UBE2E1: variants seen among roughly 807,000 people sequenced by gnomAD.
UBE2E1 encodes ubiquitin-conjugating enzyme E2 E1.
A neutral mutation model predicts 21.4 loss-of-function variants in UBE2E1; 6 were observed. The ratio of observed to expected loss-of-function variants is 0.28; its 90% CI spans 0.15 to 0.55. The LOEUF (loss-of-function observed/expected upper bound fraction) is 0.55. Among genes scored for constraint, UBE2E1 ranks in the 20% least tolerant of loss-of-function variants. The pLI is 0.93. For synonymous variants in UBE2E1, 87 were observed against 82.7 expected (o/e 1.05, Z -0.28); for missense variants, 142 against 236.5 (o/e 0.60, Z 2.62).
intron 3 of UBE2E1, among the ~76,000 whole-genome samples, chr3:23,861,257 A>C (rs1700548617): frequency 6.6e-6 from 1 of 152,228 alleles, no homozygotes; most frequent in Non-Finnish European, 1.5e-5. Context: ...CCAGGTTGTT[A>C]GACCTCCTAT....
chr3:23,850,310 T>A (rs954738868), intron 3 of UBE2E1, among the ~76,000 whole-genome samples: 1 of 151,944 alleles, frequency 6.6e-6, no homozygotes, highest in Non-Finnish European at 1.5e-5. Context: ...CATTAAAAAT[T>A]ATTTTTATTC....
chr3:23,845,462 A>T (rs1700176059), intron 3 of UBE2E1, among the ~76,000 whole-genome samples: 1 of 152,096 alleles, frequency 6.6e-6, no homozygotes, highest in East Asian at 1.9e-4. Context: ...AGTAGAGTGT[A>T]GATCAGTGTT....
Position 23,889,739 on chromosome 3 carries a change from CTTCAT to C in UBE2E1, c.484+488_484+492del, listed in dbSNP as rs1401929129. Reference sequence around the variant, plus strand: ...CTATTGAATTGTGACTTTTTTGGGACTTCATTTCATTTAAAAAATATTTTTCTGTA... The same window carrying C: ...CTATTGAATTGTGACTTTTTTGGGACTTCATTTAAAAAATATTTTTCTGTA... On this transcript the variant is annotated intron_variant, in intron 5 of 5. Transcript: ENST00000306627. 7.1e-6 allele frequency: 7 copies of C among 985,054 alleles called. No homozygotes were observed. The East Asian group carries it at 3.4e-4, about 48-fold the overall frequency. The allele number at this position is 985,054 out of a possible 1,614,324, so 61.0% of individuals were successfully genotyped here.
chr3:23,848,464 TGTCTCAA>T (rs1034087260), intron 3 of UBE2E1, among the ~76,000 whole-genome samples: 3 of 128,176 alleles, frequency 2.3e-5, no homozygotes, highest in African/African-American at 9.2e-5. Context: ...AGTGAGACTC[TGTCTCAA>T]AAAAAAAAAA....
intron 3 of UBE2E1, among the ~76,000 whole-genome samples, chr3:23,829,531 G>C (rs1431890101): frequency 1.3e-5 from 2 of 151,950 alleles, no homozygotes; most frequent in Non-Finnish European, 2.9e-5. Flanking sequence ...CAAACTCCTG[G>C]TCTCAAGCAG....
intron 3 of UBE2E1, among the ~76,000 whole-genome samples, chr3:23,871,576 CG>C (rs1700790779): frequency 6.6e-6 from 1 of 150,408 alleles, no homozygotes; most frequent in Admixed American, 6.6e-5. Flanking sequence ...ACTTCCCAGA[CG>C]GGGTGGCTGC....
rs1553637747 is a variant in UBE2E1 at position 23,842,250 on chromosome 3, G to GTGGTGT, written c.203+30742_203+30743insGTGTTG. Among the ~76,000 whole-genome samples the GTGGTGT allele has an allele frequency of 0.059, 5,089 of 85,668 alleles. 211 individuals are homozygous for GTGGTGT. The highest frequency in any genetic ancestry group is 0.085 in the Middle Eastern group (12 of 142). The allele number at this position is 85,668 out of a possible 152,430, so 56.2% of individuals were successfully genotyped here. The stretch of plus-strand genomic sequence containing the variant: ...GTGTGTGTGTGTGTGTGTGTGTGTG[G>GTGGTGT]TGTTGTTGTTGTTGGCGACAGGGTC... On this transcript the variant is annotated intron_variant, in intron 3 of 5. Coordinates refer to ENST00000306627, the MANE Select transcript of UBE2E1 (RefSeq NM_003341.5). This position sits in a 1 kb window ranked among gnomAD's most constrained non-coding sequence, Gnocchi z 4.6.
intron 3 of UBE2E1, among the ~76,000 whole-genome samples, chr3:23,815,546 TTG>T (rs1699497211): frequency 6.6e-6 from 1 of 152,216 alleles, no homozygotes; most frequent in African/African-American, 2.4e-5. Flanking sequence ...TGAATTTACA[TTG>T]TGTTTTTCTG....
rs1181581779 is a variant in UBE2E1, at chr3:23,823,534, A to C, written c.203+12024A>C. ...AACCTTTCCTCCTCTATGGGGGTAC[A>C]TCTCAATTTTTAAGTTAATATATTA... On this transcript the variant is annotated intron_variant, in intron 3 of 5. Transcript: ENST00000306627. This position sits in a 1 kb window ranked among gnomAD's most constrained non-coding sequence, Gnocchi z 4.2. 3.9e-5 allele frequency among the ~76,000 whole-genome samples: 6 copies of C among 152,244 alleles called. No homozygotes were observed. Among genetic ancestry groups the C allele is most frequent in the Non-Finnish European group, 8.8e-5 (6 of 68,048 alleles).
In UBE2E1 at chr3:23,870,290, A is replaced by T. The variant is rs12107132; in HGVS notation, c.204-17277A>T. Among the ~76,000 whole-genome samples, 685 of 152,260 alleles carry T rather than the reference A, an allele frequency of 4.5e-3. 8 individuals are homozygous for T. Among genetic ancestry groups the T allele is most frequent in the African/African-American group, 0.016 (661 of 41,540 alleles). ...GGGGGGACCATAGCTCCTTTTTTTA[A>T]AAAAAGGAGCCAGTTGTGAAGTCAC... On this transcript the variant is annotated intron_variant, in intron 3 of 5. Coordinates refer to ENST00000306627, the MANE Select transcript of UBE2E1 (RefSeq NM_003341.5). The surrounding 1 kb of genome is among the most constrained non-coding windows in gnomAD (Gnocchi z 4.2).
chr3:23,832,525 A>G (rs964844422), intron 3 of UBE2E1, among the ~76,000 whole-genome samples: 8 of 152,114 alleles, frequency 5.3e-5, no homozygotes, highest in African/African-American at 1.9e-4. Context: ...GGCACCTGTA[A>G]TCCCAGCTAC....
intron 3 of UBE2E1, among the ~76,000 whole-genome samples, chr3:23,819,757 C>G (rs549990816): frequency 3.2e-4 from 49 of 152,306 alleles, no homozygotes; most frequent in African/African-American, 1.1e-3. Flanking sequence ...GGCAGTCTTT[C>G]TGAGTTGGCA....
intron 3 of UBE2E1, among the ~76,000 whole-genome samples, chr3:23,859,120 C>T (rs897645894): frequency 2.0e-5 from 3 of 152,098 alleles, no homozygotes; most frequent in African/African-American, 7.2e-5. Context: ...TACCAGTTAC[C>T]TCACTAAACA....
intron 3 of UBE2E1, among the ~76,000 whole-genome samples, chr3:23,865,630 C>T (rs1700641435): frequency 6.6e-6 from 1 of 152,200 alleles, no homozygotes; most frequent in Non-Finnish European, 1.5e-5. Context: ...CTGGCTCACA[C>T]CTGTGAGCAC....
chr3:23,872,154 C>T (rs970021709), intron 3 of UBE2E1, among the ~76,000 whole-genome samples: 1 of 152,188 alleles, frequency 6.6e-6, no homozygotes, highest in African/African-American at 2.4e-5. Flanking sequence ...ACAAATCACT[C>T]GCTGTTAGGA....
intron 3 of UBE2E1, among the ~76,000 whole-genome samples, chr3:23,846,238 G>A (rs1700200008): frequency 6.6e-6 from 1 of 152,188 alleles, no homozygotes; most frequent in South Asian, 2.1e-4. Context: ...GAAACATTTG[G>A]TTTTTTAAAT....
intron 3 of UBE2E1, among the ~76,000 whole-genome samples, chr3:23,880,309 G>A (rs567265712): frequency 7.3e-5 from 11 of 151,398 alleles, no homozygotes; most frequent in Non-Finnish European, 1.6e-4. Context: ...CTTGAACCTG[G>A]GAGGCAGAGG....
At chr3:23,854,015 T>C (rs1211415617) in intron 3 of UBE2E1, among the ~76,000 whole-genome samples, 1 of 152,148 alleles carries the variant, frequency 6.6e-6, no homozygotes, top group Non-Finnish European at 1.5e-5. Flanking sequence ...CCCAGCACTT[T>C]GGGAGACCGA....
chr3:23,822,282 A>G (rs922147967), intron 3 of UBE2E1, among the ~76,000 whole-genome samples: 1 of 152,214 alleles, frequency 6.6e-6, no homozygotes. Context: ...ATGATTTTCA[A>G]GAATGAAAAT....
Sources: allele counts gnomAD v4.1 joint callset (sites outside exome capture counted in the v4.1 genomes callset), GRCh38; gene constraint gnomAD v4.1.1; non-coding constraint Gnocchi (gnomAD v3.1); transcripts MANE v1.5; gene names NCBI Gene and HGNC (gene_info 2026-07-23, HGNC 2026-07-21).